The following NTNG1 variants were observed in gnomAD, a reference collection of about 807,000 sequenced individuals.
The protein encoded by NTNG1 is netrin G1, also known as netrin-G1.
Under a neutral mutation model 54.0 loss-of-function variants are expected in NTNG1, and 16 were observed. The ratio of observed to expected loss-of-function variants is 0.30; its 90% CI spans 0.20 to 0.45. The LOEUF is 0.45. NTNG1 is among the 20% of genes least tolerant of loss of function. The pLI, the probability that NTNG1 is intolerant of heterozygous loss-of-function variation, is 1.00. For synonymous variants in NTNG1, 255 were observed against 263.1 expected, an observed-to-expected ratio of 0.97 and a Z score of 0.30; for missense variants, 530 against 678.7, an observed-to-expected ratio of 0.78 and a Z score of 2.43.
chr1:107,337,335 A>G (rs1668643432), intron 3 of NTNG1, among the ~76,000 whole-genome samples: 1 of 152,076 alleles, frequency 6.6e-6, no homozygotes, highest in Non-Finnish European at 1.5e-5. Context: ...TAAAGACATT[A>G]TGCTAAGTGA....
At chr1:107,465,544 G>T (rs1431681165) in intron 7 of NTNG1, among the ~76,000 whole-genome samples, 1 of 152,192 alleles carries the variant, frequency 6.6e-6, no homozygotes, top group Non-Finnish European at 1.5e-5. Flanking sequence ...TCTGCCATAA[G>T]GCTTCAAAGG....
chr1:107,232,079 A>G (rs1455007575), intron 2 of NTNG1, among the ~76,000 whole-genome samples: 1 of 152,204 alleles, frequency 6.6e-6, no homozygotes, highest in Non-Finnish European at 1.5e-5. Flanking sequence ...GGTTAGCCTC[A>G]TTTGGTCCTT....
intron 2 of NTNG1, among the ~76,000 whole-genome samples, chr1:107,305,530 T>G (rs1184086608): frequency 1.3e-5 from 2 of 152,252 alleles, no homozygotes; most frequent in Non-Finnish European, 2.9e-5. Flanking sequence ...GCCGCATAAA[T>G]GTCTTCTTTT....
In NTNG1 at chr1:107,290,963, T is replaced by TAATA. The variant is rs199789100; in HGVS notation, c.247-33319_247-33318insAATA. Among the ~76,000 whole-genome samples the TAATA allele has an allele frequency of 2.1e-5, 3 of 142,530 alleles. No homozygotes were observed. The Admixed American group carries it at 2.1e-4, about 10-fold the overall frequency. 93.5% of individuals were successfully genotyped at this position (142,530 alleles called of 152,430 possible). A position where few individuals can be genotyped will look rare whatever the true frequency, so the allele number is the denominator to read the frequency against. Reference sequence around the variant, plus strand: ...ATATTTTAAAGTGCATATATATATATTATATATATATATATATATATACAC... The same window carrying TAATA: ...ATATTTTAAAGTGCATATATATATATAATATATATATATATATATATATATACAC... On this transcript the variant is annotated intron_variant, in intron 2 of 7. Transcript: ENST00000370068.
intron 2 of NTNG1, among the ~76,000 whole-genome samples, chr1:107,179,692 A>G (rs1656925770): frequency 6.6e-6 from 1 of 152,058 alleles, no homozygotes; most frequent in Admixed American, 6.6e-5. Context: ...TCATCACCCA[A>G]GTATTAAAAC....
intron 3 of NTNG1, among the ~76,000 whole-genome samples, chr1:107,326,412 AT>A (rs1286594845): frequency 6.6e-6 from 1 of 152,166 alleles, no homozygotes; most frequent in Non-Finnish European, 1.5e-5. Flanking sequence ...TGTCTTAAAC[AT>A]AAGTTTGCTA....
At chr1:107,303,728 C>T (rs532998264) in intron 2 of NTNG1, among the ~76,000 whole-genome samples, 9 of 152,238 alleles carry the variant, frequency 5.9e-5, no homozygotes, top group African/African-American at 1.9e-4. Flanking sequence ...TGCTCTGTCG[C>T]CAAGGTGTAA....
At chr1:107,286,509 A>G (rs1379504898) in intron 2 of NTNG1, among the ~76,000 whole-genome samples, 1 of 152,168 alleles carries the variant, frequency 6.6e-6, no homozygotes, top group Non-Finnish European at 1.5e-5. Flanking sequence ...TTGCATGCTT[A>G]CCATTCATTT....
At chr1:107,397,795 C>T (rs1557965231) in intron 4 of NTNG1, among the ~76,000 whole-genome samples, 2 of 151,560 alleles carry the variant, frequency 1.3e-5, no homozygotes, top group Non-Finnish European at 2.9e-5. Context: ...TATTTCTTCC[C>T]CAGATTAACC....
At chr1:107,386,162 TA>T (rs1347200227) in intron 3 of NTNG1, among the ~76,000 whole-genome samples, 45 of 94,106 alleles carry the variant, frequency 4.8e-4, no homozygotes, top group South Asian at 1.5e-3. Context: ...TATATATATA[TA>T]TATTTTTTTT....
chr1:107,386,178 T>TTC, intron 3 of NTNG1, among the ~76,000 whole-genome samples: 1 of 137,606 alleles, frequency 7.3e-6, no homozygotes, highest in Non-Finnish European at 1.6e-5. Flanking sequence ...TTTTTTTTTT[T>TTC]CTTCCTTTGA....
At position 107,357,291 on chromosome 1, in the gene NTNG1, A is replaced by G. The variant is rs566549943; in HGVS notation, c.887+32369A>G. Among the ~76,000 whole-genome samples the G allele has an allele frequency of 2.7e-5, 4 of 150,830 alleles. No homozygotes were observed. The South Asian group carries it at 8.5e-4, about 32-fold the overall frequency. The stretch of plus-strand genomic sequence containing the variant: ...ATTGAGCCATGATCTCAATTAAAAA[A>G]AATTCCTAAATTTATACTTAACTGG... On this transcript the variant is annotated intron_variant, in intron 3 of 7. Transcript: ENST00000370068.
chr1:107,205,757 A>T (rs1263831719), intron 2 of NTNG1, among the ~76,000 whole-genome samples: 1 of 152,120 alleles, frequency 6.6e-6, no homozygotes, highest in African/African-American at 2.4e-5. Context: ...TCAGAACATT[A>T]CCACACTCCC....
chr1:107,390,268 C>G (rs532957001), intron 3 of NTNG1, among the ~76,000 whole-genome samples: 1 of 152,220 alleles, frequency 6.6e-6, no homozygotes, highest in Non-Finnish European at 1.5e-5. Context: ...TTTTAGCCAA[C>G]GTTCAAGCAA....
chr1:107,286,824 T>A (rs372395015), intron 2 of NTNG1, among the ~76,000 whole-genome samples: 2 of 152,298 alleles, frequency 1.3e-5, no homozygotes, highest in East Asian at 3.9e-4. Flanking sequence ...GTCCATAATT[T>A]CCTTTATTCC....
intron 2 of NTNG1, among the ~76,000 whole-genome samples, chr1:107,267,264 T>A (rs927642284): frequency 6.6e-5 from 10 of 152,326 alleles, no homozygotes; most frequent in African/African-American, 2.4e-4. Context: ...ATCATAAGAC[T>A]TGTAATGAAT....
chr1:107,372,385 A>G (rs1670972271), intron 3 of NTNG1, among the ~76,000 whole-genome samples: 2 of 152,060 alleles, frequency 1.3e-5, no homozygotes, highest in South Asian at 4.2e-4. Flanking sequence ...TGTCAGTTCA[A>G]AAATCTCAAA....
intron 2 of NTNG1, among the ~76,000 whole-genome samples, chr1:107,261,757 G>T (rs995684869): frequency 6.6e-6 from 1 of 152,116 alleles, no homozygotes. Context: ...GCGGGAGAAT[G>T]GCGTGAACCC....
At chr1:107,302,822 CT>C (rs1216885942) in intron 2 of NTNG1, among the ~76,000 whole-genome samples, 1 of 152,134 alleles carries the variant, frequency 6.6e-6, no homozygotes, top group Non-Finnish European at 1.5e-5. Context: ...ATATCCCTTA[CT>C]TTTCTAAGCT....
Sources: gnomAD v4.1 joint callset for allele counts (sites outside exome capture counted in the v4.1 genomes callset) on GRCh38, gnomAD v4.1.1 for gene constraint, MANE v1.5 for transcripts, NCBI Gene and HGNC (gene_info 2026-07-23, HGNC 2026-07-21) for gene names.